SRP72: variants seen among roughly 807,000 people sequenced by gnomAD.
SRP72 encodes signal recognition particle subunit SRP72.
Under a neutral mutation model 96.3 loss-of-function variants are expected in SRP72, and 49 were observed. That is an observed-to-expected ratio of 0.51 (90% CI 0.40 to 0.65). The LOEUF is 0.65. SRP72 is among the 30% of genes least tolerant of loss of function. The pLI is 0.00. For synonymous variants in SRP72, 267 were observed against 275.2 expected (o/e 0.97, Z 0.30); for missense variants, 736 against 793.3 (o/e 0.93, Z 0.87).
At chr4:56,491,293 G>C in intron 15 of SRP72, 138 bp from the exon 16 acceptor site, 1 of 835,946 alleles carries the variant, frequency 1.2e-6, no homozygotes, top group Non-Finnish European at 1.8e-6. Flanking sequence ...GAAGATTTAG[G>C]AACATTTTTT....
chr4:56,485,150 A>G (rs927957134), intron 10 of SRP72, among the ~76,000 whole-genome samples: 6 of 152,208 alleles, frequency 3.9e-5, no homozygotes, highest in African/African-American at 1.4e-4. Flanking sequence ...TTAGGCATGT[A>G]TAATTCCAGA....
Position 56,479,071 on chromosome 4 carries a change from T to G in SRP72, c.825+422T>G, listed in dbSNP as rs1720364985. Reference sequence around the variant, plus strand: ...TTTAGGGGGTATGGACAGGTGCTCTTTCTTCTCCCCCACACCCCATCCCAT... The same window carrying G: ...TTTAGGGGGTATGGACAGGTGCTCTGTCTTCTCCCCCACACCCCATCCCAT... On this transcript the variant is annotated intron_variant, in intron 8 of 18. Transcript: ENST00000642900. 1.3e-5 allele frequency among the ~76,000 whole-genome samples: 2 copies of G among 152,180 alleles called. 1 individual carries two copies. Among genetic ancestry groups the G allele is most frequent in the South Asian group, 4.1e-4 (2 of 4,838 alleles).
rs1720908039 is a variant in SRP72, at chr4:56,491,568, G to T, written c.1640G>T (p.Gly547Val). ...VTGDSQPKEQGQGDLKKKKKK... is the reference protein window; with the variant it reads ...VTGDSQPKEQVQGDLKKKKKK... ...GGAGATAGTCAACCAAAGGAACAAGGGTAATATTTTTCATTGTAACGTTCT... is the reference window on the plus strand; with the variant it reads ...GGAGATAGTCAACCAAAGGAACAAGTGTAATATTTTTCATTGTAACGTTCT... Residue 547 changes from glycine to valine, a missense_variant and splice_region_variant, in exon 16 of 19, where the codon GGA becomes GTA. Gly to Val is a moderately radical substitution (Grantham distance 109). Around this residue, in one of 3 missense-constraint regions of SRP72, gnomAD observed 388 missense variants for 431.8 expected, o/e 0.90. Coordinates refer to ENST00000642900, the MANE Select transcript of SRP72 (RefSeq NM_006947.4). 6.2e-7 allele frequency: 1 copy of T among 1,612,456 alleles called. No homozygotes were observed. The highest frequency in any genetic ancestry group is 8.5e-7 in the Non-Finnish European group (1 of 1,179,198).
chr4:56,478,695 C>A, intron 8 of SRP72, 46 bp downstream of exon 8: 1 of 1,566,276 alleles, frequency 6.4e-7, no homozygotes, highest in Non-Finnish European at 8.7e-7. Context: ...ACCCTGAAAG[C>A]TCATCACCCT....
intron 7 of SRP72, 42 bp downstream of exon 7, chr4:56,478,545 T>A: frequency 1.2e-6 from 2 of 1,612,712 alleles, no homozygotes; most frequent in Non-Finnish European, 1.7e-6. Context: ...GGGATGGGGT[T>A]CTTTTTAAAG....
At chr4:56,494,684 G>A (rs937088506) in intron 16 of SRP72, among the ~76,000 whole-genome samples, 97 of 152,150 alleles carry the variant, frequency 6.4e-4, no homozygotes, top group African/African-American at 2.3e-3. Flanking sequence ...GATTACAGAC[G>A]TGAGCCACTG....
intron 3 of SRP72, 64 bp downstream of exon 3, chr4:56,471,907 G>A (rs1719994602): frequency 1.3e-6 from 2 of 1,583,292 alleles, no homozygotes; most frequent in African/African-American, 1.4e-5. Flanking sequence ...CCTCTAGCAA[G>A]GAGCAGGGTT....
chr4:56,498,789 A>C (rs977016021), intron 17 of SRP72, among the ~76,000 whole-genome samples: 1 of 152,252 alleles, frequency 6.6e-6, no homozygotes, highest in African/African-American at 2.4e-5. Flanking sequence ...ATGGAAGAAC[A>C]TTCCATGCTC....
intron 15 of SRP72, 45 bp downstream of exon 15, chr4:56,490,690 T>C (rs1434954536): frequency 1.3e-6 from 2 of 1,484,352 alleles, no homozygotes; most frequent in Non-Finnish European, 1.9e-6. Flanking sequence ...AGTAGCACAA[T>C]AGATCTCTTC....
At chr4:56,471,328 A>G (rs1288706839) in intron 2 of SRP72, among the ~76,000 whole-genome samples, 1 of 152,226 alleles carries the variant, frequency 6.6e-6, no homozygotes, top group African/African-American at 2.4e-5. Flanking sequence ...TGTTTCTTAA[A>G]CAAGTTTAAA....
In SRP72 at chr4:56,482,285, C is replaced by CAAA. The variant is rs536857516; in HGVS notation, c.826-843_826-841dup. Among the ~76,000 whole-genome samples the CAAA allele has an allele frequency of 1.4e-4, 19 of 133,930 alleles. 1 individual carries two copies. The highest frequency in any genetic ancestry group is 2.7e-4 in the African/African-American group (10 of 36,904). 87.9% of individuals were successfully genotyped at this position (133,930 alleles called of 152,430 possible). On this transcript the variant is annotated intron_variant, in intron 8 of 18. Transcript: ENST00000642900. ...TGAAACCCCATCTCTACTAAAAATA[C>CAAA]AAAAAAAAAAAAATTAGCCAGGCAT...
At chr4:56,496,274 C>T (rs1721070713) in intron 17 of SRP72, among the ~76,000 whole-genome samples, 1 of 152,180 alleles carries the variant, frequency 6.6e-6, no homozygotes, top group Non-Finnish European at 1.5e-5. Flanking sequence ...AGGCTTAGCT[C>T]AGTTTATTAT....
At chr4:56,489,818 G>A (rs1720844590) in intron 13 of SRP72, among the ~76,000 whole-genome samples, 3 of 152,082 alleles carry the variant, frequency 2.0e-5, no homozygotes, top group Admixed American at 1.3e-4. Context: ...CCCATGGGTG[G>A]TAGTAATTAG....
intron 17 of SRP72, among the ~76,000 whole-genome samples, chr4:56,497,232 T>C (rs1006854929): frequency 1.3e-5 from 2 of 151,102 alleles, no homozygotes; most frequent in Non-Finnish European, 3.0e-5. Context: ...TTATTTTTTT[T>C]TTTTTGAGAC....
chr4:56,467,628 C>G lies in SRP72; in HGVS notation c.-8C>G. The G allele has an allele frequency of 6.4e-7, 1 of 1,553,952 alleles. No homozygotes were observed. On this transcript the variant is annotated 5_prime_UTR_variant, in exon 1 of 19. Coordinates refer to ENST00000642900, the MANE Select transcript of SRP72 (RefSeq NM_006947.4). ...GGTCTCCCCGCCCCGCCCCTCGTCT[C>G]CTCCAAGATGGCGAGCGGCGGCAGC...
intron 17 of SRP72, among the ~76,000 whole-genome samples, chr4:56,499,000 A>G (rs888378218): frequency 6.6e-6 from 1 of 152,228 alleles, no homozygotes; most frequent in African/African-American, 2.4e-5. Context: ...GCATCATGCT[A>G]CCTGACTTCA....
intron 9 of SRP72, among the ~76,000 whole-genome samples, chr4:56,484,026 ATTTTTTTT>A (rs539665243): frequency 1.2e-5 from 1 of 86,616 alleles, no homozygotes; most frequent in South Asian, 4.3e-4. Context: ...AGAAGCAGTA[ATTTTTTTT>A]TTTTTTTTTT....
chr4:56,500,103 C>G (rs962450047), intron 17 of SRP72, among the ~76,000 whole-genome samples: 1 of 152,126 alleles, frequency 6.6e-6, no homozygotes, highest in African/African-American at 2.4e-5. Context: ...TCTCAGCAAA[C>G]TAACACAGGA....
chr4:56,471,393 T>C (rs1419693703), intron 2 of SRP72, among the ~76,000 whole-genome samples: 1 of 152,240 alleles, frequency 6.6e-6, no homozygotes, highest in African/African-American at 2.4e-5. Flanking sequence ...AAACAACCCA[T>C]TTAACATCCT....
Sources: gnomAD v4.1 joint callset for allele counts (sites outside exome capture counted in the v4.1 genomes callset) on GRCh38, gnomAD v4.1.1 for gene constraint, gnomAD v4.1.1 regional missense constraint, MANE v1.5 for transcripts, NCBI Gene and HGNC (gene_info 2026-07-23, HGNC 2026-07-21) for gene names.